GABRB2: variants seen among roughly 807,000 people sequenced by gnomAD.
GABRB2 encodes gamma-aminobutyric acid receptor subunit beta-2.
GABRB2 carries 16 observed loss-of-function variants against 54.7 expected under a neutral mutation model. That is an observed-to-expected ratio of 0.29 (90% CI 0.20 to 0.44). GABRB2 has a LOEUF of 0.44. Among genes scored for constraint, GABRB2 ranks in the 20% least tolerant of loss-of-function variants. GABRB2 has a pLI of 1.00. For missense variants in GABRB2, 355 were observed against 644.0 expected, an observed-to-expected ratio of 0.55 and a Z score of 4.86; for synonymous variants, 244 against 233.8, an observed-to-expected ratio of 1.04 and a Z score of -0.40.
At chr5:161,516,576 A>G (rs1261654875) in intron 3 of GABRB2, among the ~76,000 whole-genome samples, 1 of 152,228 alleles carries the variant, frequency 6.6e-6, no homozygotes, top group African/African-American at 2.4e-5. Context: ...CATAACTTCA[A>G]GGGCAACGTT....
chr5:161,353,918 G>A (rs1431889334), intron 5 of GABRB2, among the ~76,000 whole-genome samples: 1 of 151,958 alleles, frequency 6.6e-6, no homozygotes, highest in East Asian at 1.9e-4. Context: ...TTTGACTGGA[G>A]CAAAACTCAA....
chr5:161,457,549 C>A (rs375430104), intron 4 of GABRB2, among the ~76,000 whole-genome samples: 5 of 151,542 alleles, frequency 3.3e-5, no homozygotes, highest in African/African-American at 1.2e-4. Context: ...AGGTTCACAC[C>A]ATTCTCCTGC....
chr5:161,304,041 T>A (rs373177946), intron 9 of GABRB2, among the ~76,000 whole-genome samples: 50 of 152,172 alleles, frequency 3.3e-4, no homozygotes, highest in African/African-American at 1.2e-3. Flanking sequence ...CAATACTTAC[T>A]AAATTGAATT....
intron 3 of GABRB2, among the ~76,000 whole-genome samples, chr5:161,491,988 G>A (rs187671534): frequency 6.6e-6 from 1 of 151,644 alleles, no homozygotes. Context: ...GTGACTCCCT[G>A]TAACTCAGAT....
chr5:161,311,917 G>T (rs1488420610), intron 9 of GABRB2, among the ~76,000 whole-genome samples: 1 of 152,156 alleles, frequency 6.6e-6, no homozygotes, highest in African/African-American at 2.4e-5. Flanking sequence ...TAAAACAGGT[G>T]TTACAGGGAA....
At chr5:161,456,448 C>A (rs962007353) in intron 4 of GABRB2, among the ~76,000 whole-genome samples, 7 of 152,184 alleles carry the variant, frequency 4.6e-5, no homozygotes, top group Non-Finnish European at 1.0e-4. Context: ...TTGTTTCCAT[C>A]TAAACACTTT....
chr5:161,347,568 G>GC (rs1333986874), intron 5 of GABRB2, among the ~76,000 whole-genome samples: 3 of 151,980 alleles, frequency 2.0e-5, no homozygotes, highest in African/African-American at 7.2e-5. Context: ...CTGCAAACAG[G>GC]CCTTGGATAG....
At chr5:161,353,330 T>C (rs1754525900) in intron 5 of GABRB2, among the ~76,000 whole-genome samples, 1 of 152,048 alleles carries the variant, frequency 6.6e-6, no homozygotes, top group South Asian at 2.1e-4. Flanking sequence ...TACCTCCTGT[T>C]GCAGGACTGG....
intron 9 of GABRB2, among the ~76,000 whole-genome samples, chr5:161,305,863 T>C (rs1354166009): frequency 3.3e-5 from 5 of 152,182 alleles, no homozygotes; most frequent in African/African-American, 9.7e-5. Context: ...AGGAGCTATG[T>C]TTTTTTCCCT....
At chr5:161,413,513 C>T (rs553217983) in intron 4 of GABRB2, among the ~76,000 whole-genome samples, 1 of 152,064 alleles carries the variant, frequency 6.6e-6, no homozygotes, top group Admixed American at 6.5e-5. Context: ...CTTATTTTGG[C>T]TCTGTGACAC....
chr5:161,531,299 T>C (rs889052426), intron 3 of GABRB2, among the ~76,000 whole-genome samples: 1 of 152,102 alleles, frequency 6.6e-6, no homozygotes, highest in African/African-American at 2.4e-5. Context: ...TCTGGAAAAA[T>C]CTACAGTTGA....
intron 3 of GABRB2, among the ~76,000 whole-genome samples, chr5:161,486,013 C>G (rs1163346213): frequency 6.6e-6 from 1 of 151,806 alleles, no homozygotes; most frequent in Non-Finnish European, 1.5e-5. Context: ...TACTCTAGAC[C>G]AAAATAACCC....
At chr5:161,402,086 T>C (rs1403788315) in intron 5 of GABRB2, among the ~76,000 whole-genome samples, 3 of 151,476 alleles carry the variant, frequency 2.0e-5, no homozygotes, top group Non-Finnish European at 4.4e-5. Context: ...TTTGTTTATA[T>C]ACAAATATAT....
At chr5:161,429,829 A>C (rs954776451) in intron 4 of GABRB2, among the ~76,000 whole-genome samples, 1 of 152,124 alleles carries the variant, frequency 6.6e-6, no homozygotes, top group Non-Finnish European at 1.5e-5. Flanking sequence ...TCAACATAAG[A>C]CAAAAGGGAA....
intron 3 of GABRB2, among the ~76,000 whole-genome samples, chr5:161,542,880 C>T (rs1053628317): frequency 6.6e-6 from 1 of 152,214 alleles, no homozygotes; most frequent in African/African-American, 2.4e-5. Context: ...ACACCATAAA[C>T]ATCTGTTATT....
At chr5:161,492,039 G>GA (rs948577542) in intron 3 of GABRB2, among the ~76,000 whole-genome samples, 2 of 151,076 alleles carry the variant, frequency 1.3e-5, no homozygotes, top group African/African-American at 4.8e-5. Flanking sequence ...ACCCATTACT[G>GA]AAAAAAAAGT....
At position 161,290,758 on chromosome 5, in the gene GABRB2, T is replaced by C. The variant is rs997670093; in HGVS notation, c.*3323A>G. 7.2e-5 allele frequency: 11 copies of C among 152,610 alleles called. No homozygotes were observed. The highest frequency in any genetic ancestry group is 1.2e-4 in the African/African-American group (5 of 41,456). 9.5% of individuals were successfully genotyped at this position (152,610 alleles called of 1,614,324 possible). ...CATTAAACTGGAACACGGTTACCTA[T>C]AGAAAATGGAAATTATCTTAGTTGC... On this transcript the variant is annotated 3_prime_UTR_variant, in exon 10 of 10. Transcript: ENST00000393959.
chr5:161,336,672 T>C lies in GABRB2; in HGVS notation c.639A>G (p.Val213=), dbSNP rs1378184035. 2 of 1,613,536 alleles carry C rather than the reference T, an allele frequency of 1.2e-6. No individual in the cohort carries two copies. Among genetic ancestry groups the C allele is most frequent in the Admixed American group, 3.3e-5 (2 of 59,992 alleles). Residue 213 remains valine, a synonymous_variant, in exon 6 of 10, where the codon GTA becomes GTG. Coordinates refer to ENST00000393959, the MANE Select transcript of GABRB2 (RefSeq NM_001371727.1). ...TKIELPQFSI[V]DYKLITKKVV... Reference sequence around the variant, plus strand: ...CCTTCTTGGTGATAAGTTTGTAATCTACAATAGAGAACTGTGGAAGTTCAA... The same window carrying C: ...CCTTCTTGGTGATAAGTTTGTAATCCACAATAGAGAACTGTGGAAGTTCAA...
At chr5:161,482,667 T>C (rs1758796931) in intron 3 of GABRB2, among the ~76,000 whole-genome samples, 1 of 152,126 alleles carries the variant, frequency 6.6e-6, no homozygotes, top group Non-Finnish European at 1.5e-5. Flanking sequence ...TAAATCTGCA[T>C]GTCATAGTTA....
Sources: allele counts gnomAD v4.1 joint callset (sites outside exome capture counted in the v4.1 genomes callset), GRCh38; gene constraint gnomAD v4.1.1; transcripts MANE v1.5; gene names NCBI Gene and HGNC (gene_info 2026-07-23, HGNC 2026-07-21).